ADAMTS14: variants seen among roughly 807,000 people sequenced by gnomAD.
ADAMTS14 encodes ADAM metallopeptidase with thrombospondin type 1 motif 14.
A neutral mutation model predicts 128.6 loss-of-function variants in ADAMTS14; 100 were observed. That is an observed-to-expected ratio of 0.78 (90% CI 0.66 to 0.92). ADAMTS14 has a LOEUF of 0.92. Ranked by LOEUF, ADAMTS14 falls within the 40% of genes least tolerant of loss-of-function variation. The pLI, the probability that ADAMTS14 is intolerant of heterozygous loss-of-function variation, is 0.00. For synonymous variants in ADAMTS14, 665 were observed against 653.8 expected (o/e 1.02, Z -0.26); for missense variants, 1,562 against 1,658.6 (o/e 0.94, Z 1.01).
In ADAMTS14 at chr10:70,691,543, A is replaced by G. The variant is rs114646312; in HGVS notation, c.523-10769A>G. On this transcript the variant is annotated intron_variant, in intron 2 of 21. Transcript: ENST00000373207. ...AAAACAAAACTTCAAGCTTTTGATG[A>G]TCTGAGCAGCTCTGTTCTCCAAGGT... Among the ~76,000 whole-genome samples, 715 of 106,986 alleles carry G rather than the reference A, an allele frequency of 6.7e-3. 31 individuals carry two copies. Among genetic ancestry groups the G allele is most frequent in the African/African-American group, 0.018 (673 of 36,554 alleles). 70.2% of individuals were successfully genotyped at this position (106,986 alleles called of 152,430 possible).
intron 2 of ADAMTS14, among the ~76,000 whole-genome samples, chr10:70,679,744 T>C (rs1231478191): frequency 6.6e-6 from 1 of 152,212 alleles, no homozygotes; most frequent in Non-Finnish European, 1.5e-5. Context: ...GCCACACGTG[T>C]AAGATTTGTC....
chr10:70,716,971 C>T (rs976906735), intron 4 of ADAMTS14, among the ~76,000 whole-genome samples: 2 of 152,198 alleles, frequency 1.3e-5, no homozygotes, highest in Non-Finnish European at 2.9e-5. Context: ...CCCCGCTCAG[C>T]CTTGTCGCAC....
chr10:70,726,084 T>C (rs913452254), intron 4 of ADAMTS14, among the ~76,000 whole-genome samples: 1 of 152,212 alleles, frequency 6.6e-6, no homozygotes, highest in Non-Finnish European at 1.5e-5. Context: ...TCTGTTTACA[T>C]AGCATTTGCA....
At chr10:70,683,343 G>A (rs567977767) in intron 2 of ADAMTS14, among the ~76,000 whole-genome samples, 22 of 152,278 alleles carry the variant, frequency 1.4e-4, no homozygotes, top group Admixed American at 9.8e-4. Context: ...GGTACCTCTC[G>A]GCAATCTGTG....
At chr10:70,690,960 A>C (rs1404616032) in intron 2 of ADAMTS14, among the ~76,000 whole-genome samples, 2 of 144,720 alleles carry the variant, frequency 1.4e-5, no homozygotes, top group Non-Finnish European at 3.2e-5. Context: ...TTGGTGGGCT[A>C]TGATGGTGAC....
In ADAMTS14 at chr10:70,716,143, T is replaced by C. The variant is rs557472718; in HGVS notation, c.870+7365T>C. 2.0e-5 allele frequency among the ~76,000 whole-genome samples: 3 copies of C among 152,346 alleles called. No homozygotes were observed. In the East Asian group the frequency reaches 5.8e-4, roughly 29 times the overall value. ...CTGTTTGGATAGTCTTGGTCCTACC[T>C]TCCTTCTCCCCACAATCTGCCAGAA... On this transcript the variant is annotated intron_variant, in intron 4 of 21. Transcript: ENST00000373207.
At chr10:70,731,091 C>CACACACAT (rs1554820562) in intron 6 of ADAMTS14, among the ~76,000 whole-genome samples, 10 of 150,888 alleles carry the variant, frequency 6.6e-5, no homozygotes, top group Non-Finnish European at 1.2e-4. Context: ...CACACACACA[C>CACACACAT]GTACAGACAT....
Position 70,733,942 on chromosome 10 carries a change from C to T in ADAMTS14, c.1266C>T (p.Gly422=), listed in dbSNP as rs369223082. 3 of 1,613,820 alleles carry T rather than the reference C, an allele frequency of 1.9e-6. No individual in the cohort carries two copies. In the African/African-American group the frequency reaches 4.0e-5, roughly 22 times the overall value. The change falls in exon 8 of 22, where the codon GGC becomes GGT. Residue 422 remains glycine (G), a synonymous_variant. Coordinates refer to ENST00000373207, the MANE Select transcript of ADAMTS14 (RefSeq NM_080722.4). ...GCTGTGCAGATGAGACCAGCCTGGG[C>T]AGCGTCATGGCGCCCCTGGTGCAGG... is the stretch of plus-strand genomic sequence containing the variant. The part of the protein sequence containing the change: ...GNGCADETSL[G]SVMAPLVQAA...
chr10:70,724,756 G>A (rs555689920), intron 4 of ADAMTS14, among the ~76,000 whole-genome samples: 1 of 152,336 alleles, frequency 6.6e-6, no homozygotes, highest in East Asian at 1.9e-4. Flanking sequence ...TGCAACAGGG[G>A]ACTTGGAATG....
chr10:70,756,557 G>T (rs934579982), intron 19 of ADAMTS14, among the ~76,000 whole-genome samples: 19 of 152,314 alleles, frequency 1.2e-4, no homozygotes, highest in African/African-American at 4.3e-4. Context: ...GTGGTCTTCA[G>T]TATGTCCAAA....
chr10:70,694,502 T>C (rs890717440), intron 2 of ADAMTS14, among the ~76,000 whole-genome samples: 6 of 152,214 alleles, frequency 3.9e-5, no homozygotes, highest in Non-Finnish European at 1.5e-5. Context: ...AAAAAGAGAC[T>C]ATGTGGCCTT....
At chr10:70,747,234 A>T (rs370935353) in intron 15 of ADAMTS14, among the ~76,000 whole-genome samples, 1 of 152,138 alleles carries the variant, frequency 6.6e-6, no homozygotes, top group Admixed American at 6.5e-5. Flanking sequence ...GCATTGTCCC[A>T]TCAGGCCATA....
intron 4 of ADAMTS14, 97 bp from the exon 5 acceptor site, chr10:70,729,197 T>G (rs1412772543): frequency 9.7e-7 from 1 of 1,031,950 alleles, no homozygotes; most frequent in Admixed American, 1.8e-5. Context: ...AAGGTCACGG[T>G]GGGGATACCA....
chr10:70,752,140 A>G lies in ADAMTS14; in HGVS notation c.2642A>G (p.His881Arg). ...GGCTGCCGGCGCAGACGAGACCACC[A>G]CATGGTGCAGCGACACCTGTGTGAC... ...KYGCRRRRDH[H>R]MVQRHLCDHK... The change falls in exon 18 of 22, where the codon CAC (histidine) becomes CGC (arginine). Residue 881 changes from histidine to arginine, a missense_variant. Physicochemically the swap from His to Arg is conservative, Grantham distance 29 (BLOSUM62 0). Transcript: ENST00000373207. The G allele has an allele frequency of 6.2e-7, 1 of 1,613,360 alleles. No homozygotes were observed. The highest frequency in any genetic ancestry group is 8.5e-7 in the Non-Finnish European group (1 of 1,179,948).
intron 3 of ADAMTS14, 82 bp downstream of exon 3, chr10:70,702,550 C>T: frequency 2.0e-6 from 3 of 1,489,368 alleles, no homozygotes; most frequent in Non-Finnish European, 2.7e-6. Flanking sequence ...CTTAAGCTGT[C>T]CATGTCTGGC....
intron 2 of ADAMTS14, among the ~76,000 whole-genome samples, chr10:70,701,399 A>C (rs1335955313): frequency 6.6e-6 from 1 of 152,268 alleles, no homozygotes; most frequent in African/African-American, 2.4e-5. Flanking sequence ...GGAATTCAAC[A>C]AATATTTATT....
At position 70,762,311 on chromosome 10, in the gene ADAMTS14, C is replaced by T. The variant is rs1440319625; in HGVS notation, c.*1458C>T. 6.6e-6 allele frequency: 1 copy of T among 152,334 alleles called. No individual in the cohort carries two copies. The highest frequency in any genetic ancestry group is 1.5e-5 in the Non-Finnish European group (1 of 68,116). The allele number at this position is 152,334 out of a possible 1,614,324, so 9.4% of individuals were successfully genotyped here. On this transcript the variant is annotated 3_prime_UTR_variant, in exon 22 of 22. Transcript: ENST00000373207. ...GCCCTCCCCCTGTTGCCCTCCCCTC[C>T]CTGGGATGCTGGGGCACACGCGGAG...
intron 19 of ADAMTS14, among the ~76,000 whole-genome samples, chr10:70,755,138 T>C (rs2132752125): frequency 6.6e-6 from 1 of 152,028 alleles, no homozygotes; most frequent in South Asian, 2.1e-4. Flanking sequence ...AGACCTCGCC[T>C]CTACAAAAAA....
chr10:70,736,769 T>A lies in ADAMTS14; in HGVS notation c.1575T>A (p.Asp525Glu), dbSNP rs575983711. Residue 525 changes from aspartate to glutamate, a missense_variant, in exon 10 of 22, where the codon GAT (aspartate) becomes GAA (glutamate). Transcript: ENST00000373207. ...AGACCAAGAAGGGGCCCCCGCTGGATGGGACTGAGTGTGCACCCGGCAAGG... is the reference window on the plus strand; with the variant it reads ...AGACCAAGAAGGGGCCCCCGCTGGAAGGGACTGAGTGTGCACCCGGCAAGG... ...FCKTKKGPPL[D>E]GTECAPGKWC... The A allele has an allele frequency of 1.2e-6, 2 of 1,613,768 alleles. No individual in the cohort carries two copies. Among genetic ancestry groups the A allele is most frequent in the East Asian group, 2.2e-5 (1 of 44,862 alleles).
Sources: gnomAD v4.1 joint callset for allele counts (sites outside exome capture counted in the v4.1 genomes callset) on GRCh38, gnomAD v4.1.1 for gene constraint, MANE v1.5 for transcripts, NCBI Gene and HGNC (gene_info 2026-07-23, HGNC 2026-07-21) for gene names.